The following AFDN variants were observed in gnomAD, a reference collection of about 807,000 sequenced individuals.
AFDN encodes the protein afadin.
AFDN carries 68 observed loss-of-function variants against 216.6 expected under a neutral mutation model. That is an observed-to-expected ratio of 0.31 (90% CI 0.26 to 0.38). AFDN has a LOEUF of 0.38. AFDN is among the 10% of genes least tolerant of loss of function. The pLI, the probability that AFDN is intolerant of heterozygous loss-of-function variation, is 1.00. For missense variants in AFDN, 2,136 were observed against 2,342.0 expected (o/e 0.91, Z 1.82); for synonymous variants, 868 against 853.7 (o/e 1.02, Z -0.29).
chr6:167,947,207 C>T (rs1006635476), intron 27 of AFDN, among the ~76,000 whole-genome samples: 29 of 150,446 alleles, frequency 1.9e-4, no homozygotes, highest in African/African-American at 7.1e-4. Context: ...CGGAGTCTCA[C>T]TCTCTCGCCC....
intron 12 of AFDN, among the ~76,000 whole-genome samples, chr6:167,905,508 ATGT>A (rs1263384778): frequency 1.3e-5 from 2 of 152,150 alleles, no homozygotes; most frequent in Non-Finnish European, 2.9e-5. Flanking sequence ...TTTGATAGTA[ATGT>A]TGTGAGGGGT....
At position 167,965,784 on chromosome 6, in the gene AFDN, C is replaced by T. The variant is rs755243540; in HGVS notation, c.4996C>T (p.Arg1666Cys). The change falls in exon 32 of 34, where the codon CGC becomes TGC. Residue 1666 changes from arginine to cysteine, a missense_variant. By Grantham distance (180) the Arg-to-Cys change is radical. Transcript: ENST00000683244. ...GCGACAGGAAGAAGGGTATTACAGC[C>T]GCCTGGAAGCCGAGAGGCGCAGACA... is the stretch of plus-strand genomic sequence containing the variant. ...KRRQEEGYYS[R>C]LEAERRRQHD... 4 of 1,557,940 alleles carry T rather than the reference C, an allele frequency of 2.6e-6. No individual in the cohort carries two copies. The highest frequency in any genetic ancestry group is 2.3e-5 in the East Asian group (1 of 43,176).
intron 30 of AFDN, chr6:167,954,460 G>T: frequency 1.3e-6 from 2 of 1,596,850 alleles, no homozygotes; most frequent in Non-Finnish European, 1.7e-6. Flanking sequence ...ACCTGCAGCA[G>T]ACTGCTATGC....
At chr6:167,882,759 C>G (rs972887720) in intron 6 of AFDN, among the ~76,000 whole-genome samples, 5 of 152,056 alleles carry the variant, frequency 3.3e-5, no homozygotes, top group Non-Finnish European at 5.9e-5. Context: ...TTGAAAAGGC[C>G]CACTGAATAA....
rs1790333390 is a variant in AFDN at position 167,911,130 on chromosome 6, T to G, written c.1799T>G (p.Ile600Arg). The G allele has an allele frequency of 1.9e-6, 3 of 1,613,982 alleles. No individual in the cohort carries two copies. The East Asian group carries it at 6.7e-5, about 36-fold the overall frequency. ...CAGGATGCTTCTGGGCCTGAGCTGA[T>G]ACTACCTGCAAGCATTGAATTCAGG... is the stretch of plus-strand genomic sequence containing the variant. ...RTQDASGPEL[I>R]LPASIEFRES... is the part of the protein sequence containing the mutation. The change falls in exon 14 of 34, where the codon ATA becomes AGA. Residue 600 changes from isoleucine to arginine, a missense_variant. Ile to Arg is a moderately conservative substitution (Grantham distance 97). Transcript: ENST00000683244.
chr6:167,836,625 G>A (rs1025035816), intron 1 of AFDN, among the ~76,000 whole-genome samples: 2 of 152,128 alleles, frequency 1.3e-5, no homozygotes, highest in Admixed American at 6.5e-5. Flanking sequence ...TTTCTACGTA[G>A]TGGCACCTTG....
At chr6:167,847,635 T>C (rs1176262771) in intron 1 of AFDN, among the ~76,000 whole-genome samples, 1 of 152,196 alleles carries the variant, frequency 6.6e-6, no homozygotes, top group African/African-American at 2.4e-5. Flanking sequence ...TCAGCTCTAC[T>C]TTCAAAATAT....
chr6:167,928,877 A>G (rs1792913324), intron 23 of AFDN, among the ~76,000 whole-genome samples: 1 of 152,230 alleles, frequency 6.6e-6, no homozygotes, highest in Non-Finnish European at 1.5e-5. Context: ...AGGAAGCCTC[A>G]GAAGAAACAC....
chr6:167,898,567 T>TA, intron 11 of AFDN, 100 bp downstream of exon 11: 4 of 1,286,126 alleles, frequency 3.1e-6, no homozygotes, highest in Non-Finnish European at 4.1e-6. Flanking sequence ...TTTCAATTTT[T>TA]AAAAAAATAT....
chr6:167,965,802 C>T lies in AFDN; in HGVS notation c.5014C>T (p.Arg1672Cys), dbSNP rs200850120. ...TTACAGCCGCCTGGAAGCCGAGAGG[C>T]GCAGACAGCACGACGAGGCGGCGCG... ...GYYSRLEAER[R>C]RQHDEAARRL... The change falls in exon 32 of 34, where the codon CGC becomes TGC. Residue 1672 changes from arginine to cysteine, a missense_variant. By Grantham distance (180) the Arg-to-Cys change is radical. Transcript: ENST00000683244. 6.7e-4 allele frequency: 1,046 copies of T among 1,568,986 alleles called. 3 individuals carry two copies. The highest frequency in any genetic ancestry group is 9.3e-4 in the Admixed American group (50 of 53,850).
At position 167,947,923 on chromosome 6, in the gene AFDN, T is replaced by C; in HGVS notation, c.3624T>C (p.Ser1208=). The C allele has an allele frequency of 6.2e-6, 10 of 1,613,356 alleles. No homozygotes were observed. Among genetic ancestry groups the C allele is most frequent in the Non-Finnish European group, 8.5e-6 (10 of 1,179,290 alleles). The part of the protein sequence containing the change: ...SGTTAKITSV[S]TGNLCTEEQT... ...CAACAGCGAAGATAACATCTGTCTC[T>C]ACTGGAAACCTCTGCACTGAGGTCT... is the stretch of plus-strand genomic sequence containing the variant. Residue 1208 remains serine, a synonymous_variant, in exon 28 of 34, where the codon TCT becomes TCC. Transcript: ENST00000683244.
intron 1 of AFDN, among the ~76,000 whole-genome samples, chr6:167,833,993 A>T (rs571801989): frequency 3.3e-5 from 5 of 152,300 alleles, no homozygotes; most frequent in African/African-American, 1.2e-4. Flanking sequence ...TGCAAAGAAC[A>T]TTTGTTTTTC....
chr6:167,889,578 C>T (rs917336060), intron 7 of AFDN, among the ~76,000 whole-genome samples: 2 of 29,576 alleles, frequency 6.8e-5, no homozygotes, highest in Admixed American at 2.5e-4. Flanking sequence ...GGATTACAGG[C>T]TCCGCCCCCA....
In AFDN at chr6:167,970,068, G is replaced by A; in HGVS notation, c.*133G>A. 1 of 736,828 alleles carries A rather than the reference G, an allele frequency of 1.4e-6. No individual in the cohort carries two copies. Among genetic ancestry groups the A allele is most frequent in the South Asian group, 2.3e-5 (1 of 43,986 alleles). The allele number at this position is 736,828 out of a possible 1,614,324, so 45.6% of individuals were successfully genotyped here. A position where few individuals can be genotyped will look rare whatever the true frequency, so the allele number is the denominator to read the frequency against. On this transcript the variant is annotated 3_prime_UTR_variant, in exon 34 of 34. Coordinates refer to ENST00000683244, the MANE Select transcript of AFDN (RefSeq NM_001386888.1). ...ATTTACAATTTCTGTTTCTAAAATTGTTGGGATTTAGAAATGTTTCAATTC... is the reference window on the plus strand; with the variant it reads ...ATTTACAATTTCTGTTTCTAAAATTATTGGGATTTAGAAATGTTTCAATTC...
At chr6:167,950,398 CTGTGTG>C (rs3839648) in intron 29 of AFDN, among the ~76,000 whole-genome samples, 24 of 148,910 alleles carry the variant, frequency 1.6e-4, no homozygotes, top group South Asian at 6.5e-4. Context: ...TTCTCTGTGT[CTGTGTG>C]TGTGTGTGTG....
At chr6:167,889,153 T>G in intron 6 of AFDN, 62 bp from the exon 7 acceptor site, 1 of 1,094,502 alleles carries the variant, frequency 9.1e-7, no homozygotes, top group Middle Eastern at 2.5e-4. Context: ...ATGTGTTCTT[T>G]TAAGTACTTG....
chr6:167,856,115 T>C (rs1038145434), intron 1 of AFDN, among the ~76,000 whole-genome samples: 1 of 152,170 alleles, frequency 6.6e-6, no homozygotes, highest in South Asian at 2.1e-4. Context: ...GTTAGTCACA[T>C]ATAGCTGCCT....
chr6:167,883,587 G>A (rs1160272981), intron 6 of AFDN, among the ~76,000 whole-genome samples: 1 of 152,210 alleles, frequency 6.6e-6, no homozygotes, highest in Non-Finnish European at 1.5e-5. Context: ...AATCACAGGA[G>A]TGTTTTGGTT....
intron 32 of AFDN, among the ~76,000 whole-genome samples, chr6:167,967,224 G>A (rs1158656394): frequency 6.6e-6 from 1 of 152,154 alleles, no homozygotes; most frequent in Non-Finnish European, 1.5e-5. Context: ...TCTAAATCCT[G>A]CATCATTCTG....
Sources: gnomAD v4.1 joint callset for allele counts (sites outside exome capture counted in the v4.1 genomes callset) on GRCh38, gnomAD v4.1.1 for gene constraint, MANE v1.5 for transcripts, NCBI Gene and HGNC (gene_info 2026-07-23, HGNC 2026-07-21) for gene names.